MAP4K4: variants seen among roughly 807,000 people sequenced by gnomAD.
The protein encoded by MAP4K4 is mitogen-activated protein kinase kinase kinase kinase 4, also known as HPK/GCK-like kinase HGK.
MAP4K4 carries 38 observed loss-of-function variants against 189.6 expected under a neutral mutation model. That is an observed-to-expected ratio of 0.20 (90% CI 0.15 to 0.26). The LOEUF (loss-of-function observed/expected upper bound fraction) is 0.26. Among genes scored for constraint, MAP4K4 ranks in the 10% least tolerant of loss-of-function variants. MAP4K4 has a pLI of 1.00. For missense variants in MAP4K4, 1,054 were observed against 1,726.9 expected, an observed-to-expected ratio of 0.61 and a Z score of 6.91; for synonymous variants, 610 against 624.3, an observed-to-expected ratio of 0.98 and a Z score of 0.34.
Position 101,888,956 on chromosome 2 carries a change from T to G in MAP4K4, c.4071+21T>G, listed in dbSNP as rs1230408640. 6 of 1,593,208 alleles carry G rather than the reference T, an allele frequency of 3.8e-6. No homozygotes were observed. The East Asian group carries it at 1.4e-4, about 36-fold the overall frequency. ...ACAAGGTAATAGTTCCCTTATGGAT[T>G]CTTTTTAGTTGCTCTATCTTTTAAT... is the stretch of plus-strand genomic sequence containing the variant. On this transcript the variant is annotated intron_variant, in intron 32 of 32. Transcript: ENST00000324219.
intron 32 of MAP4K4, 67 bp downstream of exon 32, chr2:101,889,002 G>A: frequency 7.6e-7 from 1 of 1,322,790 alleles, no homozygotes; most frequent in Non-Finnish European, 1.0e-6. Context: ...TTTCCATGGA[G>A]TTTGATGATT....
intron 2 of MAP4K4, among the ~76,000 whole-genome samples, chr2:101,785,310 A>C (rs2090078801): frequency 6.6e-6 from 1 of 152,214 alleles, no homozygotes; most frequent in Non-Finnish European, 1.5e-5. Context: ...AGTCACGTGC[A>C]CTTTCTTGCT....
chr2:101,790,772 C>T, exon 3 of MAP4K4: 1 of 1,608,718 alleles, frequency 6.2e-7, no homozygotes, highest in African/African-American at 1.3e-5. Flanking sequence ...ATGGATGTCA[C>T]TGAGGTAAGA....
At chr2:101,728,794 C>T (rs1559120175) in intron 2 of MAP4K4, among the ~76,000 whole-genome samples, 1 of 152,230 alleles carries the variant, frequency 6.6e-6, no homozygotes, top group South Asian at 2.1e-4. Context: ...GCTGGGATTA[C>T]AGGCGTGAGC....
intron 3 of MAP4K4, among the ~76,000 whole-genome samples, chr2:101,813,809 A>G (rs2095568749): frequency 6.6e-6 from 1 of 152,182 alleles, no homozygotes; most frequent in African/African-American, 2.4e-5. Context: ...GGTTTAGTTA[A>G]GGTCGGTTTG....
chr2:101,873,600 T>G, intron 24 of MAP4K4, 47 bp from the exon 25 acceptor site: 1 of 1,007,000 alleles, frequency 9.9e-7, no homozygotes, highest in South Asian at 1.3e-5. Context: ...TTAATGTTCA[T>G]TTTTAAAATG....
intron 29 of MAP4K4, among the ~76,000 whole-genome samples, chr2:101,886,691 T>C (rs1399768833): frequency 6.6e-6 from 1 of 152,200 alleles, no homozygotes; most frequent in Non-Finnish European, 1.5e-5. Flanking sequence ...GTTGCCAGTG[T>C]GGCTCAGTAA....
chr2:101,835,949 CCCT>C, exon 9 of MAP4K4: 1 of 1,613,712 alleles, frequency 6.2e-7, no homozygotes, highest in Non-Finnish European at 8.5e-7. Context: ...TTCCCAGAAA[CCCT>C]CCTCCCCGGC....
At position 101,840,491 on chromosome 2, in the gene MAP4K4, C is replaced by G. The variant is rs77757485; in HGVS notation, c.949+497C>G. Among the ~76,000 whole-genome samples, 1,168 of 152,314 alleles carry G rather than the reference C, an allele frequency of 7.7e-3. 6 individuals are homozygous for G. Among genetic ancestry groups the G allele is most frequent in the Middle Eastern group, 0.031 (9 of 294 alleles). On this transcript the variant is annotated intron_variant, in intron 10 of 32. Transcript: ENST00000324219. ...AAGTAGCATGCATAACACAAGCATGCTGTTGTGCTAAATAATGAAGGTTCT... is the reference window on the plus strand; with the variant it reads ...AAGTAGCATGCATAACACAAGCATGGTGTTGTGCTAAATAATGAAGGTTCT...
chr2:101,801,113 T>G lies in MAP4K4; in HGVS notation c.180+10337T>G, dbSNP rs141370808. Reference sequence around the variant, plus strand: ...CTGCTGCTGCTTTCTGCTTTCCTCCTCTTTCTTTATTCCTTTCAGCTTTGG... The same window carrying G: ...CTGCTGCTGCTTTCTGCTTTCCTCCGCTTTCTTTATTCCTTTCAGCTTTGG... On this transcript the variant is annotated intron_variant, in intron 3 of 32. Coordinates refer to ENST00000324219, the Ensembl canonical transcript of MAP4K4. 6.7e-3 allele frequency among the ~76,000 whole-genome samples: 1,013 copies of G among 152,330 alleles called. 11 individuals are homozygous for G. The highest frequency in any genetic ancestry group is 0.024 in the African/African-American group (980 of 41,566).
intron 2 of MAP4K4, among the ~76,000 whole-genome samples, chr2:101,712,269 A>C (rs2046029071): frequency 1.3e-5 from 2 of 151,908 alleles, no homozygotes; most frequent in Non-Finnish European, 2.9e-5. Flanking sequence ...ATCTCGGCTC[A>C]CTGCAACCTC....
At chr2:101,888,804 C>G in exon 32 of MAP4K4, 2 of 1,607,622 alleles carry the variant, frequency 1.2e-6, no homozygotes, top group Non-Finnish European at 1.7e-6. Context: ...AGCATATATT[C>G]GATCCAATCA....
At chr2:101,775,009 A>G (rs1305270214) in intron 2 of MAP4K4, among the ~76,000 whole-genome samples, 1 of 149,550 alleles carries the variant, frequency 6.7e-6, no homozygotes, top group South Asian at 2.1e-4. Flanking sequence ...TCAATCTCAC[A>G]AAAACCTAGG....
At chr2:101,833,477 G>A (rs2096649051) in intron 7 of MAP4K4, among the ~76,000 whole-genome samples, 1 of 151,912 alleles carries the variant, frequency 6.6e-6, no homozygotes, top group Non-Finnish European at 1.5e-5. Flanking sequence ...AAAATTAGCC[G>A]GGCATGGTGG....
intron 2 of MAP4K4, among the ~76,000 whole-genome samples, chr2:101,720,249 C>G (rs544268539): frequency 1.3e-5 from 2 of 149,168 alleles, no homozygotes; most frequent in African/African-American, 4.9e-5. Context: ...CCTCGGCTTG[C>G]TGCAACTTCC....
chr2:101,812,424 C>T (rs1316545699), intron 3 of MAP4K4, among the ~76,000 whole-genome samples: 1 of 152,210 alleles, frequency 6.6e-6, no homozygotes, highest in Non-Finnish European at 1.5e-5. Flanking sequence ...CGTTCAGCCA[C>T]TCCTGCAGCC....
rs1005580169 is a variant in MAP4K4 at position 101,873,901 on chromosome 2, C to T, written c.3070+137C>T. 6.4e-6 allele frequency: 5 copies of T among 782,770 alleles called. No individual in the cohort carries two copies. In the African/African-American group the frequency reaches 8.7e-5, roughly 14 times the overall value. 48.5% of individuals were successfully genotyped at this position (782,770 alleles called of 1,614,324 possible). A position where few individuals can be genotyped will look rare whatever the true frequency, so the allele number is the denominator to read the frequency against. ...AGAAACTTCCCATCCCAGTTGTATG[C>T]CTTATTTGCAATGAGATGCAGAGTC... On this transcript the variant is annotated intron_variant, in intron 25 of 32. Coordinates refer to ENST00000324219, the Ensembl canonical transcript of MAP4K4.
intron 2 of MAP4K4, among the ~76,000 whole-genome samples, chr2:101,725,350 TG>T (rs2054619087): frequency 6.6e-6 from 1 of 150,826 alleles, no homozygotes; most frequent in Non-Finnish European, 1.5e-5. Flanking sequence ...TGTCTACTTT[TG>T]TTGTATGCTT....
At chr2:101,716,051 C>T (rs563015754) in intron 2 of MAP4K4, among the ~76,000 whole-genome samples, 2 of 152,286 alleles carry the variant, frequency 1.3e-5, no homozygotes, top group East Asian at 3.9e-4. Flanking sequence ...TGCCTACCTT[C>T]ATGGAAAAAG....
Sources: gnomAD v4.1 joint callset for allele counts (sites outside exome capture counted in the v4.1 genomes callset) on GRCh38, gnomAD v4.1.1 for gene constraint, MANE v1.5 for transcripts, NCBI Gene and HGNC (gene_info 2026-07-23, HGNC 2026-07-21) for gene names.